The following UBE3D variants were observed in gnomAD, a reference collection of about 807,000 sequenced individuals.
UBE3D encodes ubiquitin protein ligase E3D, also known as E3 ubiquitin-protein ligase E3D.
A neutral mutation model predicts 49.6 loss-of-function variants in UBE3D; 48 were observed. The ratio of observed to expected loss-of-function variants is 0.97; its 90% confidence interval spans 0.77 to 1.23. The LOEUF is 1.23. UBE3D is among the 50% of genes most tolerant of loss of function. The pLI is 0.00. For synonymous variants in UBE3D, 189 were observed against 174.2 expected (o/e 1.08, Z -0.67); for missense variants, 452 against 468.4 (o/e 0.96, Z 0.32).
In UBE3D at chr6:82,947,510, A is replaced by ATTTCT. The variant is rs149831086; in HGVS notation, c.1149+9797_1149+9801dup. ...AGAATACATATTTTTTAAATTTTTA[A>ATTTCT]TTTCTTTTCTTTTCTTTTCTTTTTC... is the stretch of plus-strand genomic sequence containing the variant. On this transcript the variant is annotated intron_variant, in intron 9 of 9. Transcript: ENST00000369747. 5.1e-3 allele frequency among the ~76,000 whole-genome samples: 780 copies of ATTTCT among 151,594 alleles called. 8 individuals are homozygous for ATTTCT. Among genetic ancestry groups the ATTTCT allele is most frequent in the African/African-American group, 0.018 (737 of 41,364 alleles).
chr6:82,883,575 T>A, the UBE3D span, among the ~76,000 whole-genome samples: 32 of 152,222 alleles, frequency 2.1e-4, no homozygotes, highest in Non-Finnish European at 4.0e-4. Flanking sequence ...AGAATCATTA[T>A]AAACTGATTC....
At chr6:82,927,293 T>A (rs1454177697) in intron 9 of UBE3D, among the ~76,000 whole-genome samples, 2 of 151,770 alleles carry the variant, frequency 1.3e-5, no homozygotes, top group Non-Finnish European at 2.9e-5. Context: ...TAGGGTAGTG[T>A]CAGTCCTCTA....
chr6:82,911,313 A>G (rs1372141810), intron 9 of UBE3D, among the ~76,000 whole-genome samples: 2 of 151,786 alleles, frequency 1.3e-5, no homozygotes, highest in Non-Finnish European at 2.9e-5. Flanking sequence ...TGTACTCTCC[A>G]ATCATCTTCC....
At chr6:82,985,741 C>A (rs1032319132) in intron 8 of UBE3D, among the ~76,000 whole-genome samples, 5 of 151,976 alleles carry the variant, frequency 3.3e-5, no homozygotes, top group African/African-American at 1.2e-4. Context: ...TTATTTTTTT[C>A]TTTGCATTTA....
chr6:83,065,767 C>T lies in UBE3D; in HGVS notation c.-49G>A, dbSNP rs900662294. 1 of 1,558,688 alleles carries T rather than the reference C, an allele frequency of 6.4e-7. No homozygotes were observed. Among genetic ancestry groups the T allele is most frequent in the Non-Finnish European group, 8.7e-7 (1 of 1,145,868 alleles). On this transcript the variant is annotated 5_prime_UTR_variant, in exon 1 of 10. Transcript: ENST00000369747. Reference sequence around the variant, plus strand: ...GACCAAGCTGGAGGTTCCGAGGGGCCCGGGTCAACAGGACCAGGAGAGGTT... The same window carrying T: ...GACCAAGCTGGAGGTTCCGAGGGGCTCGGGTCAACAGGACCAGGAGAGGTT...
Position 82,985,411 on chromosome 6 carries a change from G to A in UBE3D, c.1011-27961C>T, listed in dbSNP as rs1778409890. Among the ~76,000 whole-genome samples, 4 of 152,088 alleles carry A rather than the reference G, an allele frequency of 2.6e-5. 1 individual carries two copies. The South Asian group carries it at 8.3e-4, about 32-fold the overall frequency. ...GGAATCTCTTTCTGTTGCCCAGGCT[G>A]GAGTGCAGTGGTGCAATCTCGGCTC... On this transcript the variant is annotated intron_variant, in intron 8 of 9. Coordinates refer to ENST00000369747, the MANE Select transcript of UBE3D (RefSeq NM_198920.3).
intron 9 of UBE3D, among the ~76,000 whole-genome samples, chr6:82,933,274 G>A (rs894743092): frequency 1.3e-5 from 2 of 152,166 alleles, no homozygotes; most frequent in African/African-American, 4.8e-5. Context: ...CTCCTAAGCA[G>A]CAAATGGCAA....
intron 4 of UBE3D, among the ~76,000 whole-genome samples, chr6:83,038,981 T>C (rs1199707671): frequency 6.6e-6 from 1 of 152,158 alleles, no homozygotes; most frequent in Non-Finnish European, 1.5e-5. Flanking sequence ...ATCTAGTCTG[T>C]TCATATACTT....
At chr6:82,906,759 A>T (rs1772132327) in intron 9 of UBE3D, among the ~76,000 whole-genome samples, 1 of 152,142 alleles carries the variant, frequency 6.6e-6, no homozygotes, top group Non-Finnish European at 1.5e-5. Context: ...CAGCAAGAAA[A>T]CACCCTGCTT....
chr6:83,033,673 G>A (rs933995771), intron 5 of UBE3D, among the ~76,000 whole-genome samples: 2 of 152,170 alleles, frequency 1.3e-5, no homozygotes, highest in Non-Finnish European at 2.9e-5. Flanking sequence ...ATGATTGTAA[G>A]TTTCCTAAGG....
At chr6:82,880,811 A>G in the UBE3D span, among the ~76,000 whole-genome samples, 2 of 152,164 alleles carry the variant, frequency 1.3e-5, no homozygotes, top group Non-Finnish European at 1.5e-5. Flanking sequence ...CTTACAAACA[A>G]TAGAAATTTA....
chr6:82,929,192 A>G (rs1582376868), intron 9 of UBE3D, among the ~76,000 whole-genome samples: 2 of 151,476 alleles, frequency 1.3e-5, no homozygotes, highest in Middle Eastern at 3.2e-3. Context: ...TTTCTTATTC[A>G]TAGGAGTGGC....
At chr6:83,057,756 C>G (rs2127848797) in intron 2 of UBE3D, 70 bp downstream of exon 2, 2 of 1,521,584 alleles carry the variant, frequency 1.3e-6, no homozygotes, top group Non-Finnish European at 1.8e-6. Context: ...TTCAACTTAT[C>G]AAAGGAAAAA....
At chr6:83,042,887 G>A (rs1211194850) in intron 4 of UBE3D, among the ~76,000 whole-genome samples, 1 of 152,154 alleles carries the variant, frequency 6.6e-6, no homozygotes, top group Non-Finnish European at 1.5e-5. Flanking sequence ...TGTTTACGCA[G>A]TCCCTCCAAA....
intron 8 of UBE3D, among the ~76,000 whole-genome samples, chr6:82,969,607 A>AAAAAC (rs1324714425): frequency 6.6e-6 from 1 of 152,046 alleles, no homozygotes; most frequent in African/African-American, 2.4e-5. Context: ...GACCCTCTCT[A>AAAAAC]AAAACAAAAC....
chr6:83,058,561 G>A (rs184390653), intron 1 of UBE3D, among the ~76,000 whole-genome samples: 30 of 152,284 alleles, frequency 2.0e-4, no homozygotes, highest in Non-Finnish European at 3.2e-4. Flanking sequence ...AAAGTATAGA[G>A]GGGATAAAGG....
intron 9 of UBE3D, among the ~76,000 whole-genome samples, chr6:82,922,201 T>C (rs293499): frequency 6.6e-6 from 1 of 151,948 alleles, no homozygotes; most frequent in Non-Finnish European, 1.5e-5. Flanking sequence ...TATTGAAACT[T>C]ATTCCAGAAT....
chr6:82,985,007 T>TC (rs202185848), intron 8 of UBE3D, among the ~76,000 whole-genome samples: 2,556 of 92,862 alleles, frequency 0.028, 117 homozygotes, highest in African/African-American at 0.074. Context: ...TTCTTCTTCT[T>TC]CTTTTTTTTT....
intron 8 of UBE3D, among the ~76,000 whole-genome samples, chr6:82,993,838 G>A (rs1411786041): frequency 6.6e-6 from 1 of 152,194 alleles, no homozygotes; most frequent in African/African-American, 2.4e-5. Context: ...TATCAAAAGT[G>A]TATTCTCTGG....
Sources: gnomAD v4.1 joint callset for allele counts (sites outside exome capture counted in the v4.1 genomes callset) on GRCh38, gnomAD v4.1.1 for gene constraint, MANE v1.5 for transcripts, NCBI Gene and HGNC (gene_info 2026-07-23, HGNC 2026-07-21) for gene names.